ADAP2: variants seen among roughly 807,000 people sequenced by gnomAD.
ADAP2 encodes arf-GAP with dual PH domain-containing protein 2.
In ADAP2, 42 loss-of-function variants were observed where a neutral mutation model predicts 54.9. The observed-to-expected ratio is 0.77, with a 90% CI of 0.60 to 0.99. The LOEUF is 0.99. ADAP2 is among the 50% of genes least tolerant of loss of function. The pLI is 0.00. For missense variants in ADAP2, 429 were observed against 480.4 expected, an observed-to-expected ratio of 0.89 and a Z score of 1.00; for synonymous variants, 177 against 180.1, an observed-to-expected ratio of 0.98 and a Z score of 0.14.
intron 5 of ADAP2, among the ~76,000 whole-genome samples, chr17:30,941,641 A>G (rs1291351568): frequency 6.6e-6 from 1 of 152,216 alleles, no homozygotes; most frequent in African/African-American, 2.4e-5. Context: ...AAATCCATGC[A>G]TAGCTTTTTC....
intron 5 of ADAP2, among the ~76,000 whole-genome samples, chr17:30,939,467 A>T (rs1912104250): frequency 6.6e-6 from 1 of 151,480 alleles, no homozygotes; most frequent in African/African-American, 2.4e-5. Flanking sequence ...GCTCTATACA[A>T]AGCACTTCAA....
rs183963123 is a variant in ADAP2 at position 30,946,287 on chromosome 17, C to T, written c.657+1234C>T. On this transcript the variant is annotated intron_variant, in intron 6 of 10. Transcript: ENST00000330889. Reference sequence around the variant, plus strand: ...TTGCTCTATTGCCCAGACTGGAGTGCAGTGGCGTGATCTCGGCTCACTGCA... The same window carrying T: ...TTGCTCTATTGCCCAGACTGGAGTGTAGTGGCGTGATCTCGGCTCACTGCA... Among the ~76,000 whole-genome samples, 422 of 152,152 alleles carry T rather than the reference C, an allele frequency of 2.8e-3. 6 individuals carry two copies. Among genetic ancestry groups the T allele is most frequent in the Admixed American group, 0.027 (406 of 15,266 alleles).
chr17:30,954,390 C>T, intron 8 of ADAP2, 88 bp from the exon 9 acceptor site: 1 of 1,130,148 alleles, frequency 8.8e-7, no homozygotes, highest in East Asian at 2.3e-5. Context: ...GACTGGCCAG[C>T]TCCTTTGGTT....
chr17:30,953,250 G>T lies in ADAP2; in HGVS notation c.742-38G>T, dbSNP rs892227877. The stretch of plus-strand genomic sequence containing the variant: ...CTCGGCGGGAACCTGGAGCCTTGGG[G>T]TGTGAGTTGGGGGTCAGTGTCTGTC... On this transcript the variant is annotated intron_variant, in intron 7 of 10. Coordinates refer to ENST00000330889, the MANE Select transcript of ADAP2 (RefSeq NM_018404.3). 3.1e-6 allele frequency: 5 copies of T among 1,611,038 alleles called. No homozygotes were observed. The African/African-American group carries it at 4.0e-5, about 13-fold the overall frequency.
intron 9 of ADAP2, 110 bp from the exon 10 acceptor site, chr17:30,956,131 A>G (rs1444167248): frequency 1.2e-6 from 1 of 863,010 alleles, no homozygotes; most frequent in African/African-American, 1.7e-5. Context: ...CAGAAATCCC[A>G]GCAGGGACCT....
intron 5 of ADAP2, among the ~76,000 whole-genome samples, chr17:30,943,819 C>T (rs1026584829): frequency 1.3e-5 from 2 of 150,958 alleles, no homozygotes; most frequent in Non-Finnish European, 2.9e-5. Context: ...TGCACTTCAG[C>T]CTGGACAACA....
At chr17:30,923,892 C>G (rs1457678133) in intron 2 of ADAP2, among the ~76,000 whole-genome samples, 2 of 151,600 alleles carry the variant, frequency 1.3e-5, no homozygotes, top group South Asian at 2.1e-4. Context: ...TTAGCAGAGA[C>G]GGGGTTTTGC....
chr17:30,949,860 G>A (rs1904493510), intron 7 of ADAP2, among the ~76,000 whole-genome samples: 1 of 152,186 alleles, frequency 6.6e-6, no homozygotes. Context: ...ATTCTCCAGG[G>A]GAGCCTGCGG....
chr17:30,949,534 G>T (rs1181008850), intron 7 of ADAP2, among the ~76,000 whole-genome samples, 164 bp downstream of exon 7: 1 of 152,046 alleles, frequency 6.6e-6, no homozygotes, highest in Non-Finnish European at 1.5e-5. Context: ...GGATCACAAG[G>T]TCAGGAGATC....
chr17:30,955,896 C>T (rs1183283362), intron 9 of ADAP2, among the ~76,000 whole-genome samples: 1 of 151,690 alleles, frequency 6.6e-6, no homozygotes, highest in Non-Finnish European at 1.5e-5. Flanking sequence ...TCTCCAAAAA[C>T]AATTCATAAT....
intron 7 of ADAP2, among the ~76,000 whole-genome samples, chr17:30,950,263 G>A (rs1904529814): frequency 6.6e-6 from 1 of 152,184 alleles, no homozygotes; most frequent in Non-Finnish European, 1.5e-5. Context: ...GGGGAGCCGA[G>A]AACTTCATTT....
chr17:30,957,122 C>T (rs527388284), intron 10 of ADAP2, among the ~76,000 whole-genome samples: 54 of 152,332 alleles, frequency 3.5e-4, no homozygotes, highest in Admixed American at 8.5e-4. Flanking sequence ...GTGACCCCCG[C>T]ACAGCCCCTT....
At chr17:30,923,487 A>G (rs183847187) in intron 2 of ADAP2, among the ~76,000 whole-genome samples, 2 of 150,728 alleles carry the variant, frequency 1.3e-5, no homozygotes, top group East Asian at 3.9e-4. Context: ...CTGGTCTCGA[A>G]CTCCTGACCT....
intron 5 of ADAP2, 42 bp downstream of exon 5, chr17:30,934,339 C>A: frequency 7.4e-7 from 1 of 1,360,004 alleles, no homozygotes; most frequent in Non-Finnish European, 1.0e-6. Context: ...TTCCTGAGCA[C>A]TCTCACCCGA....
chr17:30,948,371 T>C (rs2142572546), intron 6 of ADAP2, among the ~76,000 whole-genome samples: 1 of 150,682 alleles, frequency 6.6e-6, no homozygotes, highest in South Asian at 2.1e-4. Context: ...GAGACCATCC[T>C]GGCTAACGTG....
intron 2 of ADAP2, among the ~76,000 whole-genome samples, chr17:30,923,578 G>A (rs1910803884): frequency 1.3e-5 from 2 of 150,672 alleles, no homozygotes; most frequent in African/African-American, 2.4e-5. Context: ...GCCATCATTT[G>A]CTTACCTATA....
intron 10 of ADAP2, 147 bp downstream of exon 10, chr17:30,956,616 A>G: frequency 2.5e-6 from 2 of 814,444 alleles, no homozygotes; most frequent in Non-Finnish European, 1.9e-6. Flanking sequence ...TGCAAAAGAA[A>G]AGCACAGACA....
At chr17:30,923,759 G>A (rs1489692870) in intron 2 of ADAP2, among the ~76,000 whole-genome samples, 1 of 137,274 alleles carries the variant, frequency 7.3e-6, no homozygotes, top group African/African-American at 2.8e-5. Context: ...GGAGTGCAAC[G>A]GCCAATCTCG....
intron 3 of ADAP2, among the ~76,000 whole-genome samples, chr17:30,929,759 C>A (rs1911338373): frequency 6.6e-6 from 1 of 152,170 alleles, no homozygotes; most frequent in African/African-American, 2.4e-5. Context: ...TTCAGTGGCA[C>A]AATCATGGCT....
Sources: allele counts gnomAD v4.1 joint callset (sites outside exome capture counted in the v4.1 genomes callset), GRCh38; gene constraint gnomAD v4.1.1; transcripts MANE v1.5; gene names NCBI Gene and HGNC (gene_info 2026-07-23, HGNC 2026-07-21).